TCF12: variants seen among roughly 807,000 people sequenced by gnomAD.
TCF12 encodes DNA-binding protein HTF4.
In TCF12, 45 loss-of-function variants were observed where a neutral mutation model predicts 86.0. The ratio of observed to expected loss-of-function variants is 0.52; its 90% confidence interval spans 0.41 to 0.67. TCF12 has a LOEUF of 0.67. TCF12 is among the 30% of genes least tolerant of loss of function. The pLI is 0.00. For synonymous variants in TCF12, 330 were observed against 299.6 expected (o/e 1.10, Z -1.05); for missense variants, 881 against 859.9 (o/e 1.02, Z -0.31).
chr15:56,938,400 C>T (rs1369932838), intron 3 of TCF12, among the ~76,000 whole-genome samples: 1 of 151,844 alleles, frequency 6.6e-6, no homozygotes, highest in Non-Finnish European at 1.5e-5. Flanking sequence ...ACCTTGTGAT[C>T]CCCCTGCCTC....
At chr15:57,208,505 C>T (rs909886379) in intron 8 of TCF12, among the ~76,000 whole-genome samples, 3 of 149,630 alleles carry the variant, frequency 2.0e-5, no homozygotes, top group Non-Finnish European at 3.0e-5. Flanking sequence ...ACCTCAGCCT[C>T]CCGAGTAGCT....
rs1252328871 is a variant in TCF12, at chr15:56,955,822, AAG to A, written c.148+34727_148+34728del. ...GTTTTGGAGATCTATCAATTATTGA[AAG>A]AGGGAAATTGTAATCTGTAATGTGA... On this transcript the variant is annotated intron_variant, in intron 3 of 20. Coordinates refer to ENST00000333725, the MANE Select transcript of TCF12 (RefSeq NM_207037.2). 3.9e-5 allele frequency among the ~76,000 whole-genome samples: 6 copies of A among 152,160 alleles called. No homozygotes were observed. The South Asian group carries it at 1.2e-3, about 32-fold the overall frequency.
intron 12 of TCF12, among the ~76,000 whole-genome samples, chr15:57,241,220 G>C (rs539271466): frequency 6.6e-6 from 1 of 151,758 alleles, no homozygotes; most frequent in Admixed American, 6.6e-5. Context: ...CAGACCCCGC[G>C]AGTAGCTGGG....
Position 57,124,072 on chromosome 15 carries a change from C to T in TCF12, c.325+32181C>T, listed in dbSNP as rs150196312. The stretch of plus-strand genomic sequence containing the variant: ...TCAAGTGATCCCGCTACCTCAACCT[C>T]CCAAAGTGCTGGGATTATAGATGTG... On this transcript the variant is annotated intron_variant, in intron 5 of 20. Coordinates refer to ENST00000333725, the MANE Select transcript of TCF12 (RefSeq NM_207037.2). 1.0e-3 allele frequency among the ~76,000 whole-genome samples: 156 copies of T among 151,876 alleles called. 3 individuals are homozygous for T. In the East Asian group the frequency reaches 0.027, roughly 27 times the overall value.
At chr15:56,984,729 G>A (rs1420706675) in intron 3 of TCF12, among the ~76,000 whole-genome samples, 1 of 152,198 alleles carries the variant, frequency 6.6e-6, no homozygotes, top group Non-Finnish European at 1.5e-5. Flanking sequence ...AATGAAGGAT[G>A]TGTGAGCCAA....
At chr15:57,171,793 A>T (rs1462427006) in intron 6 of TCF12, among the ~76,000 whole-genome samples, 3 of 152,248 alleles carry the variant, frequency 2.0e-5, no homozygotes, top group African/African-American at 7.2e-5. Context: ...AACACAGAGC[A>T]TAGAAGCCAG....
At chr15:57,125,361 T>C (rs1016646354) in intron 5 of TCF12, among the ~76,000 whole-genome samples, 2 of 152,232 alleles carry the variant, frequency 1.3e-5, no homozygotes, top group African/African-American at 4.8e-5. Context: ...TAAGCCTGAA[T>C]AAAATCATAT....
chr15:57,251,041 G>A (rs2593234), intron 13 of TCF12: 188,311 of 237,038 alleles, frequency 0.79, 75,566 homozygotes, highest in African/African-American at 0.93. Context: ...AAGTGTGTAC[G>A]TTATAAGTGC....
At chr15:57,016,882 A>G (rs1419643851) in intron 3 of TCF12, among the ~76,000 whole-genome samples, 3 of 152,204 alleles carry the variant, frequency 2.0e-5, no homozygotes, top group Non-Finnish European at 4.4e-5. Flanking sequence ...AAAGTCAGCC[A>G]TACTTACTGT....
At chr15:57,168,562 A>T (rs1418647625) in intron 6 of TCF12, among the ~76,000 whole-genome samples, 1 of 152,110 alleles carries the variant, frequency 6.6e-6, no homozygotes, top group African/African-American at 2.4e-5. Context: ...TTGATATCAG[A>T]ACTCATTCTT....
At chr15:57,008,963 C>T (rs2064652899) in intron 3 of TCF12, among the ~76,000 whole-genome samples, 1 of 152,128 alleles carries the variant, frequency 6.6e-6, no homozygotes, top group South Asian at 2.1e-4. Flanking sequence ...TGTGTTGATT[C>T]TCCTCAGAAT....
intron 5 of TCF12, among the ~76,000 whole-genome samples, chr15:57,136,798 C>A (rs1277829332): frequency 6.6e-6 from 1 of 151,824 alleles, no homozygotes; most frequent in Admixed American, 6.6e-5. Context: ...ACCTAAGCCT[C>A]CTGAGTAGCT....
intron 19 of TCF12, among the ~76,000 whole-genome samples, chr15:57,279,780 A>C (rs1429729309): frequency 2.0e-5 from 3 of 151,836 alleles, no homozygotes; most frequent in Non-Finnish European, 2.9e-5. Context: ...TCAGTTGGAA[A>C]ATTTTCACAT....
intron 8 of TCF12, among the ~76,000 whole-genome samples, chr15:57,210,338 G>A (rs531857327): frequency 1.3e-5 from 2 of 150,918 alleles, no homozygotes; most frequent in East Asian, 1.9e-4. Context: ...ATTATCTTCA[G>A]GAGAAAGATA....
chr15:57,125,599 T>C (rs2051587981), intron 5 of TCF12, among the ~76,000 whole-genome samples: 1 of 152,168 alleles, frequency 6.6e-6, no homozygotes, highest in Non-Finnish European at 1.5e-5. Flanking sequence ...GCTAGTTAAG[T>C]TTTACTTTAT....
At chr15:56,949,435 G>T (rs1387153590) in intron 3 of TCF12, among the ~76,000 whole-genome samples, 1 of 152,126 alleles carries the variant, frequency 6.6e-6, no homozygotes, top group Non-Finnish European at 1.5e-5. Context: ...GTAAAACTCA[G>T]TCTGCAAAAA....
At chr15:57,277,745 A>C (rs2061470730) in intron 19 of TCF12, among the ~76,000 whole-genome samples, 1 of 151,398 alleles carries the variant, frequency 6.6e-6, no homozygotes, top group Non-Finnish European at 1.5e-5. Flanking sequence ...ACTTGAGACC[A>C]GCCTGAGCAA....
intron 6 of TCF12, among the ~76,000 whole-genome samples, chr15:57,170,846 T>G (rs2055436740): frequency 1.6e-5 from 2 of 125,524 alleles, no homozygotes; most frequent in South Asian, 5.0e-4. Context: ...CTCACTGTGT[T>G]GCCCAGGCTG....
chr15:56,957,001 T>C (rs2061529412), intron 3 of TCF12, among the ~76,000 whole-genome samples: 1 of 152,226 alleles, frequency 6.6e-6, no homozygotes, highest in Non-Finnish European at 1.5e-5. Flanking sequence ...TCATGAGGGC[T>C]CTGTCTTCGA....
Sources: gnomAD v4.1 joint callset for allele counts (sites outside exome capture counted in the v4.1 genomes callset) on GRCh38, gnomAD v4.1.1 for gene constraint, MANE v1.5 for transcripts, NCBI Gene and HGNC (gene_info 2026-07-23, HGNC 2026-07-21) for gene names.